ACYP2: variants seen among roughly 807,000 people sequenced by gnomAD.
The protein encoded by ACYP2 is acylphosphatase-2.
In ACYP2, 12 loss-of-function variants were observed where a neutral mutation model predicts 11.2. The observed-to-expected ratio is 1.08, with a 90% CI of 0.69 to 1.74. The LOEUF (loss-of-function observed/expected upper bound fraction) is 1.74. Among genes scored for constraint, ACYP2 ranks in the 40% most tolerant of loss-of-function variants. The probability of loss-of-function intolerance (pLI) is 0.00; values close to 1 mark genes in which losing one functional copy is unlikely to be tolerated. For synonymous variants in ACYP2, 43 were observed against 32.2 expected (o/e 1.33, Z -1.13); for missense variants, 134 against 101.9 (o/e 1.31, Z -1.35).
At chr2:54,150,968 C>T (rs1452908814) in intron 6 of ACYP2, among the ~76,000 whole-genome samples, 1 of 147,288 alleles carries the variant, frequency 6.8e-6, no homozygotes, top group East Asian at 2.1e-4. Flanking sequence ...GTCTCGATCT[C>T]CTGACCTCGT....
intron 6 of ACYP2, among the ~76,000 whole-genome samples, chr2:54,139,156 T>C (rs993148247): frequency 6.6e-6 from 1 of 152,186 alleles, no homozygotes; most frequent in African/African-American, 2.4e-5. Context: ...CCCTCTCCAA[T>C]TTGTATGTCC....
chr2:54,251,840 T>C (rs887006363), intron 6 of ACYP2, among the ~76,000 whole-genome samples: 1 of 152,326 alleles, frequency 6.6e-6, no homozygotes, highest in Middle Eastern at 3.4e-3. Context: ...ACAGGCATGC[T>C]TACTGCCCAT....
At chr2:54,183,297 G>C (rs192133125) in intron 6 of ACYP2, among the ~76,000 whole-genome samples, 6 of 152,264 alleles carry the variant, frequency 3.9e-5, no homozygotes, top group Non-Finnish European at 7.4e-5. Context: ...TGAGTAATAA[G>C]ATAATGAGTT....
intron 6 of ACYP2, among the ~76,000 whole-genome samples, chr2:54,181,612 C>T (rs1447115102): frequency 6.6e-6 from 1 of 152,160 alleles, no homozygotes; most frequent in African/African-American, 2.4e-5. Flanking sequence ...CTGTAATACC[C>T]ATTTCCAATG....
chr2:53,981,924 GTTTA>G (rs1187253098), intron 2 of ACYP2, among the ~76,000 whole-genome samples: 2 of 152,052 alleles, frequency 1.3e-5, no homozygotes, highest in African/African-American at 2.4e-5. Context: ...TTATTAAAAC[GTTTA>G]TTTGATATTT....
At chr2:54,245,660 G>A (rs1476588079) in intron 6 of ACYP2, among the ~76,000 whole-genome samples, 1 of 150,418 alleles carries the variant, frequency 6.6e-6, no homozygotes, top group African/African-American at 2.4e-5. Context: ...ATAAATGTAT[G>A]TCTCTTTTGA....
At chr2:54,141,595 A>G (rs893508801) in intron 6 of ACYP2, among the ~76,000 whole-genome samples, 2 of 152,148 alleles carry the variant, frequency 1.3e-5, no homozygotes, top group Admixed American at 6.6e-5. Context: ...TGAATTCTCT[A>G]TTCTGTTCCA....
At chr2:54,189,681 A>G (rs11902901) in intron 6 of ACYP2, among the ~76,000 whole-genome samples, 35,311 of 152,052 alleles carry the variant, frequency 0.23, 4,249 homozygotes, top group East Asian at 0.38. Flanking sequence ...GAGTGCAGAT[A>G]TCTTTACAAG....
At chr2:54,154,452 T>G (rs1179690024) in intron 6 of ACYP2, among the ~76,000 whole-genome samples, 1 of 152,222 alleles carries the variant, frequency 6.6e-6, no homozygotes, top group African/African-American at 2.4e-5. Flanking sequence ...TATGTTGATA[T>G]ACATTTCTTC....
chr2:54,226,481 A>G (rs975657432), intron 6 of ACYP2, among the ~76,000 whole-genome samples: 1 of 152,222 alleles, frequency 6.6e-6, no homozygotes, highest in African/African-American at 2.4e-5. Context: ...GAGTTGAGCC[A>G]TTTCTGATAA....
At position 54,089,569 on chromosome 2, in the gene ACYP2, C is replaced by G. The variant is rs1037280070; in HGVS notation, c.277+32209C>G. Among the ~76,000 whole-genome samples the G allele has an allele frequency of 2.6e-5, 4 of 151,676 alleles. 1 individual carries two copies. In the South Asian group the frequency reaches 8.3e-4, roughly 32 times the overall value. ...CCTGGGCAACATAGTGAGAACTTGT[C>G]TCTACAAAACAAATTAAAAAATTAG... On this transcript the variant is annotated intron_variant, in intron 4 of 6. Coordinates refer to ENST00000607452, the MANE Select transcript of ACYP2 (RefSeq NM_001320586.2).
intron 4 of ACYP2, among the ~76,000 whole-genome samples, chr2:54,064,796 T>C (rs772244303): frequency 6.6e-6 from 1 of 152,090 alleles, no homozygotes; most frequent in African/African-American, 2.4e-5. Flanking sequence ...AGATTAAATA[T>C]AGGGGGACCG....
chr2:54,213,613 C>T (rs1018202417), intron 6 of ACYP2, among the ~76,000 whole-genome samples: 5 of 152,122 alleles, frequency 3.3e-5, no homozygotes, highest in African/African-American at 1.2e-4. Flanking sequence ...TAATAGTAGC[C>T]ATTCTGACTG....
chr2:53,979,020 A>G (rs1056275697), intron 2 of ACYP2, among the ~76,000 whole-genome samples: 1 of 152,158 alleles, frequency 6.6e-6, no homozygotes, highest in Admixed American at 6.5e-5. Context: ...GCTATACTAT[A>G]CCTTGTATTG....
chr2:54,273,563 C>T (rs1347480958), intron 6 of ACYP2, among the ~76,000 whole-genome samples: 1 of 152,186 alleles, frequency 6.6e-6, no homozygotes, highest in Non-Finnish European at 1.5e-5. Flanking sequence ...CTCCTGGATT[C>T]AAGCAATTCT....
chr2:54,115,481 G>T (rs1011193218), intron 4 of ACYP2, 134 bp from the exon 1 acceptor site: 1 of 1,301,990 alleles, frequency 7.7e-7, no homozygotes, highest in Non-Finnish European at 1.0e-6. Context: ...GGGGCCCAGC[G>T]GCCTCTTCCC....
chr2:54,107,418 T>C (rs1230647827), intron 4 of ACYP2, among the ~76,000 whole-genome samples: 1 of 152,218 alleles, frequency 6.6e-6, no homozygotes, highest in Non-Finnish European at 1.5e-5. Context: ...TTCTTCTCTT[T>C]GTAAGTGTTG....
At chr2:54,081,544 T>C (rs1010598123) in intron 4 of ACYP2, among the ~76,000 whole-genome samples, 10 of 152,208 alleles carry the variant, frequency 6.6e-5, no homozygotes, top group African/African-American at 1.4e-4. Context: ...CTATACCATA[T>C]AGACCAGGTG....
At chr2:54,262,650 C>T (rs2104048251) in intron 6 of ACYP2, among the ~76,000 whole-genome samples, 1 of 148,682 alleles carries the variant, frequency 6.7e-6, no homozygotes, top group Non-Finnish European at 1.5e-5. Context: ...GAGAGGTGAA[C>T]AGAGTTTTGC....
Sources: gnomAD v4.1 joint callset for allele counts (sites outside exome capture counted in the v4.1 genomes callset) on GRCh38, gnomAD v4.1.1 for gene constraint, MANE v1.5 for transcripts, NCBI Gene and HGNC (gene_info 2026-07-23, HGNC 2026-07-21) for gene names.